Variants in EME2 observed in about 807,000 individuals in gnomAD.
EME2 encodes the protein essential meiotic structure-specific endonuclease subunit 2, also known as structure-specific endonuclease subunit EME2.
EME2 carries 58 observed loss-of-function variants against 41.9 expected under a neutral mutation model. The observed-to-expected ratio is 1.38, with a 90% CI of 1.12 to 1.72. The LOEUF (loss-of-function observed/expected upper bound fraction) is 1.72. EME2 is among the 40% of genes most tolerant of loss of function. The pLI is 0.00. For synonymous variants in EME2, 334 were observed against 239.3 expected (o/e 1.40, Z -3.65); for missense variants, 695 against 541.9 (o/e 1.28, Z -2.81).
chr16:1,775,264 G>C (rs150181920), intron 4 of EME2, 51 bp from the exon 5 acceptor site: 2 of 1,602,746 alleles, frequency 1.2e-6, no homozygotes, highest in Non-Finnish European at 1.7e-6. Context: ...GGCCAAGCTC[G>C]GGCAGGGCAG....
rs1896665602 is a variant in EME2 at position 1,780,225 on chromosome 16, C to T, written c.*3987C>T. 6.6e-6 allele frequency: 1 copy of T among 152,396 alleles called. No individual in the cohort carries two copies. The highest frequency in any genetic ancestry group is 2.4e-5 in the African/African-American group (1 of 41,476). 9.4% of individuals were successfully genotyped at this position (152,396 alleles called of 1,614,324 possible). On this transcript the variant is annotated 3_prime_UTR_variant, in exon 8 of 8. Coordinates refer to ENST00000568449, the MANE Select transcript of EME2 (RefSeq NM_001257370.2). Reference sequence around the variant, plus strand: ...ACGCCCGCGTCCCACAGCCATGACCCTGCGAGGCCAGGAGAGACTGCTCCA... The same window carrying T: ...ACGCCCGCGTCCCACAGCCATGACCTTGCGAGGCCAGGAGAGACTGCTCCA...
In EME2 at chr16:1,777,513, C is replaced by T. The variant is rs1407586327; in HGVS notation, c.*1275C>T. 1.4e-6 allele frequency: 2 copies of T among 1,420,318 alleles called. No individual in the cohort carries two copies. The highest frequency in any genetic ancestry group is 1.9e-6 in the Non-Finnish European group (2 of 1,079,250). 88.0% of individuals were successfully genotyped at this position (1,420,318 alleles called of 1,614,324 possible). A position where few individuals can be genotyped will look rare whatever the true frequency, so the allele number is the denominator to read the frequency against. ...CAGCTACTGGGCGCAGCCCCTCAGA[C>T]CTCACGCTACAGTCACCCGGGTGGG... On this transcript the variant is annotated 3_prime_UTR_variant, in exon 8 of 8. Coordinates refer to ENST00000568449, the MANE Select transcript of EME2 (RefSeq NM_001257370.2).
Position 1,776,158 on chromosome 16 carries a change from G to T in EME2, c.1060G>T (p.Val354Leu), listed in dbSNP as rs1266760904. Residue 354 changes from valine (V) to leucine (L), a missense_variant, in exon 8 of 8, where the codon GTG becomes TTG. Coordinates refer to ENST00000568449, the MANE Select transcript of EME2 (RefSeq NM_001257370.2). The stretch of plus-strand genomic sequence containing the variant: ...CAGTGAAGGCGGGCGTCCCCGCAGG[G>T]TGGGGCCTGACCTCTCCCGCCGCAT... ...PPSEGGRPRR[V>L]GPDLSRRICL... is the part of the protein sequence containing the mutation. 1 of 1,612,384 alleles carries T rather than the reference G, an allele frequency of 6.2e-7. No homozygotes were observed. The highest frequency in any genetic ancestry group is 1.1e-5 in the South Asian group (1 of 91,092).
At chr16:1,773,914 T>C in intron 2 of EME2, 73 bp downstream of exon 2, 1 of 1,466,492 alleles carries the variant, frequency 6.8e-7, no homozygotes, top group Non-Finnish European at 9.0e-7. Flanking sequence ...GCCCTGGAGC[T>C]GTCCCTGAGG....
chr16:1,775,328 G>A lies in EME2; in HGVS notation c.583G>A (p.Val195Ile), dbSNP rs1282982818. 8 of 1,610,242 alleles carry A rather than the reference G, an allele frequency of 5.0e-6. No individual in the cohort carries two copies. The highest frequency in any genetic ancestry group is 1.7e-5 in the Admixed American group (1 of 60,008). ...ACCTCTGCTCAGGTCTCGCCAGCAC[G>A]TTTCCCGGGGGACACAGCAGCCAGA... ...LDAYLWSRQH[V>I]SRGTQQPESP... Residue 195 changes from valine to isoleucine, a missense_variant, in exon 5 of 8, where the codon GTT becomes ATT. Val to Ile is a conservative substitution (Grantham distance 29). Coordinates refer to ENST00000568449, the MANE Select transcript of EME2 (RefSeq NM_001257370.2).
intron 3 of EME2, 98 bp downstream of exon 3, chr16:1,774,450 C>T: frequency 1.0e-6 from 1 of 982,656 alleles, no homozygotes; most frequent in African/African-American, 1.6e-5. Context: ...GTAGACGGGG[C>T]TGGAGGGGGC....
chr16:1,773,819 G>T lies in EME2; in HGVS notation c.362G>T (p.Ser121Ile), dbSNP rs996083815. The T allele has an allele frequency of 1.7e-5, 26 of 1,554,986 alleles. No individual in the cohort carries two copies. The highest frequency in any genetic ancestry group is 2.0e-5 in the Non-Finnish European group (23 of 1,152,696). ...PARSLRWTRA[S>I]PDPCPRSLPP... is the part of the protein sequence containing the mutation. ...CGCAGCCTGCGGTGGACCCGAGCGAGTCCCGACCCCTGCCCCCGCAGCGTG... is the reference window on the plus strand; with the variant it reads ...CGCAGCCTGCGGTGGACCCGAGCGATTCCCGACCCCTGCCCCCGCAGCGTG... The change falls in exon 2 of 8, where the codon AGT becomes ATT. Residue 121 changes from serine (S) to isoleucine (I), a missense_variant. Transcript: ENST00000568449.
In EME2 at chr16:1,773,368, C is replaced by G; in HGVS notation, c.141C>G (p.Ala47=). The G allele has an allele frequency of 6.5e-7, 1 of 1,528,212 alleles. No homozygotes were observed. 94.7% of individuals were successfully genotyped at this position (1,528,212 alleles called of 1,614,324 possible). Residue 47 remains alanine, a synonymous_variant, in exon 1 of 8, where the codon GCC becomes GCG. Coordinates refer to ENST00000568449, the MANE Select transcript of EME2 (RefSeq NM_001257370.2). ...AGGACTCCGCCGGCTCGGAGGCCGCCGCGAGAGCCCGGGACCCAGCGGGTG... is the reference window on the plus strand; with the variant it reads ...AGGACTCCGCCGGCTCGGAGGCCGCGGCGAGAGCCCGGGACCCAGCGGGTG... ...DAEDSAGSEA[A]ARARDPAGER...
In EME2 at chr16:1,776,971, G is replaced by A; in HGVS notation, c.*733G>A. ...TGTCCCAGCCTCGGGAGCAAGAGATGGCTCCCTCCGGACGGGCCTCATCCA... is the reference window on the plus strand; with the variant it reads ...TGTCCCAGCCTCGGGAGCAAGAGATAGCTCCCTCCGGACGGGCCTCATCCA... On this transcript the variant is annotated 3_prime_UTR_variant, in exon 8 of 8. Transcript: ENST00000568449. 9.3e-7 allele frequency: 1 copy of A among 1,080,574 alleles called. No homozygotes were observed. Among genetic ancestry groups the A allele is most frequent in the Non-Finnish European group, 1.3e-6 (1 of 760,172 alleles). 66.9% of individuals were successfully genotyped at this position (1,080,574 alleles called of 1,614,324 possible). A position where few individuals can be genotyped will look rare whatever the true frequency, so the allele number is the denominator to read the frequency against.
chr16:1,781,034 C>T lies in EME2; in HGVS notation c.*4796C>T, dbSNP rs539324571. 78 of 665,706 alleles carry T rather than the reference C, an allele frequency of 1.2e-4. No homozygotes were observed. The East Asian group carries it at 2.2e-3, about 19-fold the overall frequency. 41.2% of individuals were successfully genotyped at this position (665,706 alleles called of 1,614,324 possible). On this transcript the variant is annotated 3_prime_UTR_variant, in exon 8 of 8. Coordinates refer to ENST00000568449, the MANE Select transcript of EME2 (RefSeq NM_001257370.2). ...AGGTGTGAGCCACAGTGCCCAGCCC[C>T]GTAGTGGAGAATTTCTGTTGAATGA...
At position 1,773,444 on chromosome 16, in the gene EME2, C is replaced by T. The variant is rs766464153; in HGVS notation, c.217C>T (p.Leu73=). The change falls in exon 1 of 8, where the codon CTG becomes TTG. Residue 73 remains leucine (L), a synonymous_variant. Coordinates refer to ENST00000568449, the MANE Select transcript of EME2 (RefSeq NM_001257370.2). ...ALRLLRPEQV[L]KRLAVCVDTA... The stretch of plus-strand genomic sequence containing the variant: ...GCGGCTGCTGCGGCCGGAGCAGGTC[C>T]TGAAGCGCCTCGCGGTGTGCGTGGA... The T allele has an allele frequency of 1.2e-5, 19 of 1,573,278 alleles. No homozygotes were observed. Among genetic ancestry groups the T allele is most frequent in the Non-Finnish European group, 1.5e-5 (18 of 1,169,144 alleles).
rs878929511 is a variant in EME2, at chr16:1,773,663, G to A, written c.248-42G>A. The A allele has an allele frequency of 5.8e-6, 9 of 1,546,846 alleles. No individual in the cohort carries two copies. In the South Asian group the frequency reaches 8.3e-5, roughly 14 times the overall value. On this transcript the variant is annotated intron_variant, in intron 1 of 7. Transcript: ENST00000568449. The stretch of plus-strand genomic sequence containing the variant: ...CCGCCCAGGTAGGGCGCTCGCGAGG[G>A]TGGAAGGAAGCAGTGACCGCGCTCC...
chr16:1,773,788 C>G lies in EME2; in HGVS notation c.331C>G (p.Pro111Ala). ...CGAGTGCCGCATCGAGCCCCAGCGC[C>G]CGGCCCGCAGCCTGCGGTGGACCCG... ...GCECRIEPQRPARSLRWTRAS... is the reference protein window; with the variant it reads ...GCECRIEPQRAARSLRWTRAS... Residue 111 changes from proline (P) to alanine (A), a missense_variant, in exon 2 of 8, where the codon CCG becomes GCG. Transcript: ENST00000568449. The G allele has an allele frequency of 6.4e-7, 1 of 1,554,042 alleles. No individual in the cohort carries two copies. Among genetic ancestry groups the G allele is most frequent in the Non-Finnish European group, 8.7e-7 (1 of 1,150,582 alleles).
At position 1,781,111 on chromosome 16, in the gene EME2, G is replaced by A. The variant is rs1896690287; in HGVS notation, c.*4873G>A. 2 of 1,411,114 alleles carry A rather than the reference G, an allele frequency of 1.4e-6. No individual in the cohort carries two copies. Among genetic ancestry groups the A allele is most frequent in the Admixed American group, 2.1e-5 (1 of 47,544 alleles). 87.4% of individuals were successfully genotyped at this position (1,411,114 alleles called of 1,614,324 possible). On this transcript the variant is annotated 3_prime_UTR_variant, in exon 8 of 8. Coordinates refer to ENST00000568449, the MANE Select transcript of EME2 (RefSeq NM_001257370.2). ...TGCACCATGTGTTTCAGAGGAGAAA[G>A]CACAGTGAAGAATGCAGTGTGTTCT...
At chr16:1,774,970 G>A in intron 3 of EME2, 71 bp from the exon 4 acceptor site, 4 of 1,204,486 alleles carry the variant, frequency 3.3e-6, no homozygotes, top group Non-Finnish European at 4.8e-6. Flanking sequence ...CAAACCAGCT[G>A]TGGCCTGGTG....
Position 1,780,896 on chromosome 16 carries a change from C to T in EME2, c.*4658C>T. On this transcript the variant is annotated 3_prime_UTR_variant, in exon 8 of 8. Coordinates refer to ENST00000568449, the MANE Select transcript of EME2 (RefSeq NM_001257370.2). ...TACAGGCACGTGCCACCACGCCTGA[C>T]ACATTTTTTAAATTTTTGTAGAGAC... is the stretch of plus-strand genomic sequence containing the variant. 3.0e-6 allele frequency: 1 copy of T among 333,856 alleles called. No individual in the cohort carries two copies. The highest frequency in any genetic ancestry group is 5.9e-6 in the Non-Finnish European group (1 of 170,010). 20.7% of individuals were successfully genotyped at this position (333,856 alleles called of 1,614,324 possible).
In EME2 at chr16:1,776,914, C is replaced by G. The variant is rs182346735; in HGVS notation, c.*676C>G. 9.0e-4 allele frequency: 622 copies of G among 689,344 alleles called. 3 individuals carry two copies. The African/African-American group carries it at 9.6e-3, about 11-fold the overall frequency. The allele number at this position is 689,344 out of a possible 1,614,324, so 42.7% of individuals were successfully genotyped here. On this transcript the variant is annotated 3_prime_UTR_variant, in exon 8 of 8. Coordinates refer to ENST00000568449, the MANE Select transcript of EME2 (RefSeq NM_001257370.2). ...GCCGCTTCCCCACCCAGCACAGCAG[C>G]AGAGGGGCCCTAGAGCCCCCACAGA... is the stretch of plus-strand genomic sequence containing the variant.
In EME2 at chr16:1,775,957, G is replaced by A. The variant is rs760181032; in HGVS notation, c.940G>A (p.Ala314Thr). Reference sequence around the variant, plus strand: ...AGCCGTGGCTGATGCAGTTGTCACAGCCTTCCCCTCCCCCCGCCTTCTGCA... The same window carrying A: ...AGCCGTGGCTGATGCAGTTGTCACAACCTTCCCCTCCCCCCGCCTTCTGCA... ...SPAVADAVVTAFPSPRLLQQA... is the reference protein window; with the variant it reads ...SPAVADAVVTTFPSPRLLQQA... The change falls in exon 7 of 8, where the codon GCC becomes ACC. Residue 314 changes from alanine (A) to threonine (T), a missense_variant. Coordinates refer to ENST00000568449, the MANE Select transcript of EME2 (RefSeq NM_001257370.2). 9 of 1,610,542 alleles carry A rather than the reference G, an allele frequency of 5.6e-6. No homozygotes were observed. In the South Asian group the frequency reaches 9.9e-5, roughly 18 times the overall value.
At position 1,774,868 on chromosome 16, in the gene EME2, C is replaced by T. The variant is rs138342194; in HGVS notation, c.478-173C>T. 6.6e-3 allele frequency: 4,455 copies of T among 671,708 alleles called. 29 individuals carry two copies. Among genetic ancestry groups the T allele is most frequent in the Non-Finnish European group, 7.0e-3 (2,646 of 378,786 alleles). 41.6% of individuals were successfully genotyped at this position (671,708 alleles called of 1,614,324 possible). A position where few individuals can be genotyped will look rare whatever the true frequency, so the allele number is the denominator to read the frequency against. ...AGGGTCTCCTTAGCCTCTTTGGCCT[C>T]GTGGGAGGCACAGAGCTGGTTTTCT... On this transcript the variant is annotated intron_variant, in intron 3 of 7. Coordinates refer to ENST00000568449, the MANE Select transcript of EME2 (RefSeq NM_001257370.2).
Sources: gnomAD v4.1 joint callset for allele counts on GRCh38, gnomAD v4.1.1 for gene constraint, MANE v1.5 for transcripts, NCBI Gene and HGNC (gene_info 2026-07-23, HGNC 2026-07-21) for gene names.